AKAP6: variants seen among roughly 807,000 people sequenced by gnomAD.
AKAP6 encodes A-kinase anchoring protein 6.
Under a neutral mutation model 188.5 loss-of-function variants are expected in AKAP6, and 58 were observed. The ratio of observed to expected loss-of-function variants is 0.31; its 90% CI spans 0.25 to 0.38. The LOEUF (loss-of-function observed/expected upper bound fraction) is 0.38. AKAP6 is among the 10% of genes least tolerant of loss of function. AKAP6 has a pLI of 1.00. For missense variants in AKAP6, 2,710 were observed against 2,740.0 expected, an observed-to-expected ratio of 0.99 and a Z score of 0.24; for synonymous variants, 989 against 998.6, an observed-to-expected ratio of 0.99 and a Z score of 0.18.
chr14:32,596,707 T>C (rs1885718063), intron 5 of AKAP6, among the ~76,000 whole-genome samples: 1 of 152,184 alleles, frequency 6.6e-6, no homozygotes, highest in African/African-American at 2.4e-5. Context: ...GCTATGGATA[T>C]TGCAGAGGGA....
intron 2 of AKAP6, among the ~76,000 whole-genome samples, chr14:32,532,832 A>G (rs537369855): frequency 3.3e-5 from 5 of 152,302 alleles, no homozygotes; most frequent in Non-Finnish European, 5.9e-5. Context: ...AGTGATAACT[A>G]TAGATGCTCC....
intron 1 of AKAP6, among the ~76,000 whole-genome samples, chr14:32,398,785 T>TCC (rs1888965319): frequency 1.5e-4 from 2 of 13,492 alleles, no homozygotes; most frequent in African/African-American, 1.8e-4. Flanking sequence ...TTCTTTTCTC[T>TCC]CTCTCTCTCT....
intron 9 of AKAP6, among the ~76,000 whole-genome samples, chr14:32,729,780 C>G (rs2031082268): frequency 6.6e-6 from 1 of 152,100 alleles, no homozygotes; most frequent in Admixed American, 6.6e-5. Flanking sequence ...CCTTAGCACT[C>G]AAGAAAAGCT....
At chr14:32,743,911 G>A (rs10148639) in intron 11 of AKAP6, among the ~76,000 whole-genome samples, 4,732 of 152,258 alleles carry the variant, frequency 0.031, 228 homozygotes, top group African/African-American at 0.095. Context: ...GCTCACTAAC[G>A]TCCTTTTCTT....
chr14:32,654,134 G>A (rs78385375), intron 7 of AKAP6, among the ~76,000 whole-genome samples: 2,126 of 152,180 alleles, frequency 0.014, 48 homozygotes, highest in African/African-American at 0.048. Flanking sequence ...ATAATTTTTA[G>A]CAGCTATATA....
intron 11 of AKAP6, among the ~76,000 whole-genome samples, chr14:32,749,002 A>C (rs2032022456): frequency 1.3e-5 from 2 of 152,212 alleles, no homozygotes; most frequent in Non-Finnish European, 2.9e-5. Context: ...GGAGAGAAAC[A>C]AAATTTATAT....
chr14:32,543,591 C>G (rs1481504662), intron 3 of AKAP6, among the ~76,000 whole-genome samples: 1 of 151,910 alleles, frequency 6.6e-6, no homozygotes, highest in Non-Finnish European at 1.5e-5. Flanking sequence ...CAATTTTTAG[C>G]CTTTTTGAGG....
chr14:32,673,650 G>A lies in AKAP6; in HGVS notation c.2731-4661G>A, dbSNP rs148288642. 6.5e-3 allele frequency among the ~76,000 whole-genome samples: 991 copies of A among 152,266 alleles called. 20 individuals are homozygous for A. Among genetic ancestry groups the A allele is most frequent in the African/African-American group, 0.023 (963 of 41,552 alleles). On this transcript the variant is annotated intron_variant, in intron 7 of 13. Transcript: ENST00000280979. ...CTTGGGAGGCTGAGGTAGGAGATTC[G>A]CTTGAACCTGGGAGGTGGAGGTTGC...
intron 2 of AKAP6, among the ~76,000 whole-genome samples, chr14:32,454,228 T>A (rs573034175): frequency 2.6e-5 from 4 of 152,284 alleles, no homozygotes; most frequent in East Asian, 1.9e-4. Flanking sequence ...ACTGGCATTT[T>A]AAAAAATATA....
intron 2 of AKAP6, among the ~76,000 whole-genome samples, chr14:32,457,818 G>A (rs1035297441): frequency 6.6e-6 from 1 of 152,070 alleles, no homozygotes; most frequent in African/African-American, 2.4e-5. Flanking sequence ...TATATAATTG[G>A]GACCCATATC....
chr14:32,694,353 T>C (rs1890307571), intron 8 of AKAP6, among the ~76,000 whole-genome samples: 1 of 136,654 alleles, frequency 7.3e-6, no homozygotes, highest in Admixed American at 8.1e-5. Flanking sequence ...AGAGTGAGAC[T>C]CCGTCTCAAA....
intron 3 of AKAP6, among the ~76,000 whole-genome samples, chr14:32,543,496 G>A (rs1180808504): frequency 6.6e-6 from 1 of 152,194 alleles, no homozygotes; most frequent in Non-Finnish European, 1.5e-5. Flanking sequence ...GAATAGTGCT[G>A]TAATAAACAT....
At chr14:32,607,825 C>T (rs1886184386) in intron 7 of AKAP6, among the ~76,000 whole-genome samples, 1 of 152,116 alleles carries the variant, frequency 6.6e-6, no homozygotes. Context: ...GGTTCCTTTC[C>T]TGCTGAACTA....
chr14:32,587,863 G>C (rs1449411036), intron 5 of AKAP6, among the ~76,000 whole-genome samples: 1 of 152,130 alleles, frequency 6.6e-6, no homozygotes, highest in Admixed American at 6.5e-5. Flanking sequence ...ACCATTCCAG[G>C]GGTGTGTGAA....
At chr14:32,518,993 T>A (rs1397460122) in intron 2 of AKAP6, among the ~76,000 whole-genome samples, 1 of 152,128 alleles carries the variant, frequency 6.6e-6, no homozygotes, top group Non-Finnish European at 1.5e-5. Context: ...TAACAGCAGA[T>A]CTCTCAGCAG....
chr14:32,531,625 C>T (rs1356531907), intron 2 of AKAP6, among the ~76,000 whole-genome samples: 1 of 152,132 alleles, frequency 6.6e-6, no homozygotes, highest in East Asian at 1.9e-4. Flanking sequence ...CTCCCTTGTG[C>T]TATCAGTTTA....
chr14:32,783,495 T>C (rs1440158704), intron 12 of AKAP6, among the ~76,000 whole-genome samples: 2 of 152,032 alleles, frequency 1.3e-5, no homozygotes, highest in South Asian at 4.1e-4. Flanking sequence ...AATAAAGCTG[T>C]TTAAAAAAAA....
intron 7 of AKAP6, among the ~76,000 whole-genome samples, chr14:32,643,302 A>G (rs1594806512): frequency 6.7e-6 from 1 of 150,194 alleles, no homozygotes. Flanking sequence ...TTCTTCATAC[A>G]TTCTTTTCTT....
At chr14:32,397,890 G>C (rs576527312) in intron 1 of AKAP6, among the ~76,000 whole-genome samples, 26 of 152,114 alleles carry the variant, frequency 1.7e-4, no homozygotes, top group South Asian at 4.2e-4. Context: ...CTCTTTGAAG[G>C]CTTTGGCTTT....
Sources: gnomAD v4.1 joint callset for allele counts (sites outside exome capture counted in the v4.1 genomes callset) on GRCh38, gnomAD v4.1.1 for gene constraint, MANE v1.5 for transcripts, NCBI Gene and HGNC (gene_info 2026-07-23, HGNC 2026-07-21) for gene names.